Variants in IQCH observed in about 807,000 individuals in gnomAD.
IQCH encodes the protein IQ motif containing H, also known as IQ domain-containing protein H.
Under a neutral mutation model 117.0 loss-of-function variants are expected in IQCH, and 98 were observed. That is an observed-to-expected ratio of 0.84 (90% CI 0.71 to 0.99). The LOEUF (loss-of-function observed/expected upper bound fraction) is 0.99, where lower values mean the gene tolerates loss of function less well. Among genes scored for constraint, IQCH ranks in the 50% least tolerant of loss-of-function variants. The pLI is 0.00. For synonymous variants in IQCH, 412 were observed against 448.2 expected (o/e 0.92, Z 1.02); for missense variants, 1,102 against 1,243.8 (o/e 0.89, Z 1.72).
In IQCH at chr15:67,372,200, C is replaced by T; in HGVS notation, c.843C>T (p.Ala281=). Reference sequence around the variant, plus strand: ...ATGATGGTGTCATAGACAATACAGCCCCAGACTTCTTAGCATTCAAGGAAC... The same window carrying T: ...ATGATGGTGTCATAGACAATACAGCTCCAGACTTCTTAGCATTCAAGGAAC... ...LIYDGVIDNT[A]PDFLAFKEHF... is the part of the protein sequence containing the mutation. The change falls in exon 9 of 21, where the codon GCC becomes GCT. Residue 281 remains alanine (A), a synonymous_variant. Coordinates refer to ENST00000335894, the MANE Select transcript of IQCH (RefSeq NM_001031715.3). 1 of 1,613,966 alleles carries T rather than the reference C, an allele frequency of 6.2e-7. No individual in the cohort carries two copies. Among genetic ancestry groups the T allele is most frequent in the Non-Finnish European group, 8.5e-7 (1 of 1,179,942 alleles).
At chr15:67,446,257 A>G (rs191495952) in intron 16 of IQCH, among the ~76,000 whole-genome samples, 1 of 152,354 alleles carries the variant, frequency 6.6e-6, no homozygotes, top group Admixed American at 6.5e-5. Flanking sequence ...ATTTTCTACA[A>G]ATTGCCTCAA....
intron 4 of IQCH, among the ~76,000 whole-genome samples, chr15:67,321,199 C>T (rs1163358214): frequency 1.3e-5 from 2 of 152,144 alleles, no homozygotes; most frequent in Non-Finnish European, 2.9e-5. Flanking sequence ...ATGTGATGCG[C>T]TGTATGGGGT....
rs750444953 is a variant in IQCH, at chr15:67,359,840, A to C, written c.715-7A>C. On this transcript the variant is annotated splice_region_variant and splice_polypyrimidine_tract_variant and intron_variant, in intron 7 of 20. Coordinates refer to ENST00000335894, the MANE Select transcript of IQCH (RefSeq NM_001031715.3). This position sits in a 1 kb window ranked among gnomAD's most constrained non-coding sequence, Gnocchi z 4.5. ...TGATTTAAACTGTGTCTCATTCTTCATTGTAGGGGAAAAGCAGAAGGTCAA... is the reference window on the plus strand; with the variant it reads ...TGATTTAAACTGTGTCTCATTCTTCCTTGTAGGGGAAAAGCAGAAGGTCAA... 7.4e-5 allele frequency: 119 copies of C among 1,609,524 alleles called. No homozygotes were observed. Among genetic ancestry groups the C allele is most frequent in the Non-Finnish European group, 9.4e-5 (110 of 1,175,994 alleles).
rs543905687 is a variant in IQCH, at chr15:67,416,549, CA to C, written c.2098-374del. ...AAAAAGAAAAAACAAAAAACAAAAA[CA>C]AAAAAAACAGTTAACCCCACATTTT... On this transcript the variant is annotated intron_variant, in intron 14 of 20. Transcript: ENST00000335894. The surrounding 1 kb of genome is among the most constrained non-coding windows in gnomAD (Gnocchi z 5.1). 1.6e-3 allele frequency among the ~76,000 whole-genome samples: 246 copies of C among 150,224 alleles called. No homozygotes were observed. Among genetic ancestry groups the C allele is most frequent in the South Asian group, 2.5e-3 (12 of 4,728 alleles).
intron 4 of IQCH, chr15:67,281,833 T>C (rs1237822902): frequency 4.5e-6 from 2 of 449,364 alleles, no homozygotes; most frequent in Non-Finnish European, 8.9e-6. Context: ...GTTTGTTGAA[T>C]GGATAAACAA....
intron 18 of IQCH, 83 bp from the exon 19 acceptor site, chr15:67,489,920 A>C: frequency 1.1e-6 from 1 of 937,214 alleles, no homozygotes; most frequent in Non-Finnish European, 1.8e-6. Flanking sequence ...CAATCTTAGT[A>C]GTCTTTCTGT....
intron 4 of IQCH, among the ~76,000 whole-genome samples, chr15:67,327,694 T>A (rs879376890): frequency 5.9e-5 from 9 of 152,210 alleles, no homozygotes; most frequent in Non-Finnish European, 1.3e-4. Context: ...AACTCCAGAC[T>A]CTATGCTTGC....
chr15:67,319,842 A>G (rs913395824), intron 4 of IQCH, among the ~76,000 whole-genome samples: 4 of 152,244 alleles, frequency 2.6e-5, no homozygotes, highest in African/African-American at 7.2e-5. Context: ...AAATTATTTG[A>G]AGAGAAATTG....
chr15:67,489,962 G>A, intron 18 of IQCH, 41 bp from the exon 19 acceptor site: 1 of 1,343,308 alleles, frequency 7.4e-7, no homozygotes, highest in Non-Finnish European at 1.1e-6. Context: ...TTGTTTCTGA[G>A]ATAATATACT....
chr15:67,477,615 C>T lies in IQCH; in HGVS notation c.2799+1797C>T, dbSNP rs542392818. ...GAAATTAATTGTTGCATCTGCTACA[C>T]ACAATCCCTTTGGAATTAAATAGAT... On this transcript the variant is annotated intron_variant, in intron 18 of 20. Transcript: ENST00000335894. Among the ~76,000 whole-genome samples the T allele has an allele frequency of 5.3e-5, 8 of 152,334 alleles. No individual in the cohort carries two copies. In the East Asian group the frequency reaches 1.3e-3, roughly 26 times the overall value.
chr15:67,436,163 C>G lies in IQCH; in HGVS notation c.2505+14586C>G, dbSNP rs1317960585. On this transcript the variant is annotated intron_variant, in intron 16 of 20. Transcript: ENST00000335894. The surrounding 1 kb of genome is among the most constrained non-coding windows in gnomAD (Gnocchi z 5.1). ...CACACAAGCTTGATGGCTCCATATT[C>G]AATAAATGTATTATCGAGACCCACT... Among the ~76,000 whole-genome samples the G allele has an allele frequency of 1.3e-5, 2 of 150,232 alleles. No homozygotes were observed. The highest frequency in any genetic ancestry group is 3.9e-4 in the East Asian group (2 of 5,180).
At chr15:67,499,658 A>G (rs1011613783) in intron 20 of IQCH, among the ~76,000 whole-genome samples, 3 of 151,976 alleles carry the variant, frequency 2.0e-5, no homozygotes, top group African/African-American at 7.3e-5. Context: ...ATTAATGTTA[A>G]TAGAAGGAAT....
chr15:67,292,459 C>T (rs62015981), intron 4 of IQCH, among the ~76,000 whole-genome samples: 2,789 of 152,098 alleles, frequency 0.018, 31 homozygotes, highest in African/African-American at 0.027. Flanking sequence ...GGTTTTGTTG[C>T]CCAGGCTGGT....
chr15:67,475,875 G>C lies in IQCH; in HGVS notation c.2799+57G>C, dbSNP rs2083189926. On this transcript the variant is annotated intron_variant, in intron 18 of 20. Coordinates refer to ENST00000335894, the MANE Select transcript of IQCH (RefSeq NM_001031715.3). The surrounding 1 kb of genome is among the most constrained non-coding windows in gnomAD (Gnocchi z 5.7). The stretch of plus-strand genomic sequence containing the variant: ...CAAAGACATGCCTGTGGGTGATCTA[G>C]GTAGCTAATAATTTGGTGCCCCTTC... 10 of 1,498,672 alleles carry C rather than the reference G, an allele frequency of 6.7e-6. 1 individual carries two copies. The Admixed American group carries it at 1.2e-4, about 18-fold the overall frequency. 92.8% of individuals were successfully genotyped at this position (1,498,672 alleles called of 1,614,324 possible).
In IQCH at chr15:67,472,281, A is replaced by C. The variant is rs1465552018; in HGVS notation, c.2677-3415A>C. Among the ~76,000 whole-genome samples the C allele has an allele frequency of 6.6e-6, 1 of 152,222 alleles. No individual in the cohort carries two copies. The highest frequency in any genetic ancestry group is 1.5e-5 in the Non-Finnish European group (1 of 68,046). On this transcript the variant is annotated intron_variant, in intron 17 of 20. Transcript: ENST00000335894. The surrounding 1 kb of genome is among the most constrained non-coding windows in gnomAD (Gnocchi z 4.3). ...AAAGGCAGTGAACCAGTCAGACTGG[A>C]GCACAGAACTGGGGAAGTGGGAAGC...
chr15:67,377,144 A>AAAAG (rs1970767376), intron 10 of IQCH, among the ~76,000 whole-genome samples: 1 of 151,530 alleles, frequency 6.6e-6, no homozygotes, highest in African/African-American at 2.4e-5. Context: ...AAAAAAGAAA[A>AAAAG]AAAGAAAGGA....
chr15:67,351,295 G>A (rs1969651691), intron 6 of IQCH, among the ~76,000 whole-genome samples: 2 of 151,266 alleles, frequency 1.3e-5, no homozygotes, highest in Admixed American at 6.6e-5. Context: ...CTAAGTCTGT[G>A]TGTTCTCATT....
At chr15:67,334,850 G>C (rs80024067) in intron 4 of IQCH, among the ~76,000 whole-genome samples, 5 of 152,170 alleles carry the variant, frequency 3.3e-5, no homozygotes, top group African/African-American at 7.2e-5. Context: ...AATGCTCAGC[G>C]TGTTAAAGTT....
At chr15:67,286,905 G>A (rs557696270) in intron 4 of IQCH, among the ~76,000 whole-genome samples, 4 of 152,170 alleles carry the variant, frequency 2.6e-5, no homozygotes, top group South Asian at 2.1e-4. Context: ...GAGCCACCAC[G>A]CCCGGCCTAT....
Sources: gnomAD v4.1 joint callset for allele counts (sites outside exome capture counted in the v4.1 genomes callset) on GRCh38, gnomAD v4.1.1 for gene constraint, Gnocchi (gnomAD v3.1) non-coding constraint, MANE v1.5 for transcripts, NCBI Gene and HGNC (gene_info 2026-07-23, HGNC 2026-07-21) for gene names.